Variants in AIFM3 observed in about 807,000 individuals in gnomAD.
AIFM3 encodes the protein apoptosis-inducing factor 3.
Under a neutral mutation model 82.7 loss-of-function variants are expected in AIFM3, and 71 were observed. That is an observed-to-expected ratio of 0.86 (90% CI 0.71 to 1.05). The LOEUF is 1.05. Ranked by LOEUF, AIFM3 falls within the 50% of genes least tolerant of loss-of-function variation. The pLI, the probability that AIFM3 is intolerant of heterozygous loss-of-function variation, is 0.00. For synonymous variants in AIFM3, 337 were observed against 329.1 expected, an observed-to-expected ratio of 1.02 and a Z score of -0.26; for missense variants, 748 against 816.7, an observed-to-expected ratio of 0.92 and a Z score of 1.03.
At chr22:20,979,565 C>A (rs1217101423) in intron 17 of AIFM3, 62 bp from the exon 18 acceptor site, 2 of 1,590,646 alleles carry the variant, frequency 1.3e-6, no homozygotes, top group Non-Finnish European at 1.7e-6. Flanking sequence ...AGGAGGGGAT[C>A]CTGTGACGTC....
At chr22:20,969,377 T>C (rs775804116) in intron 2 of AIFM3, among the ~76,000 whole-genome samples, 1 of 152,072 alleles carries the variant, frequency 6.6e-6, no homozygotes, top group Non-Finnish European at 1.5e-5. Context: ...GCATCCTCAT[T>C]GTAAAGTGGG....
In AIFM3 at chr22:20,974,687, C is replaced by T. The variant is rs199990563; in HGVS notation, c.608-17C>T. ...TTGGTGAGAAGTGGTTCCTGGCCCACGGGCCCCTCCCCTCAGGTGCAGCTG... is the reference window on the plus strand; with the variant it reads ...TTGGTGAGAAGTGGTTCCTGGCCCATGGGCCCCTCCCCTCAGGTGCAGCTG... On this transcript the variant is annotated splice_polypyrimidine_tract_variant and intron_variant, in intron 7 of 20. Transcript: ENST00000440238. The T allele has an allele frequency of 3.8e-5, 62 of 1,613,852 alleles. No homozygotes were observed. The African/African-American group carries it at 6.1e-4, about 16-fold the overall frequency.
intron 9 of AIFM3, 72 bp downstream of exon 9, chr22:20,975,850 G>A (rs1923611894): frequency 1.9e-6 from 3 of 1,545,048 alleles, no homozygotes; most frequent in African/African-American, 1.4e-5. Flanking sequence ...GGGCCCCTGG[G>A]GTGGGGTCTT....
intron 18 of AIFM3, 140 bp downstream of exon 18, chr22:20,979,842 G>A (rs1012851269): frequency 3.2e-6 from 4 of 1,238,738 alleles, no homozygotes; most frequent in Non-Finnish European, 4.6e-6. Context: ...AGGAAAGCCC[G>A]AAGCTTGTGC....
At position 20,976,924 on chromosome 22, in the gene AIFM3, G is replaced by C. The variant is rs778803055; in HGVS notation, c.1204G>C (p.Gly402Arg). The change falls in exon 13 of 21, where the codon GGC becomes CGC. Residue 402 changes from glycine (G) to arginine (R), a missense_variant. By Grantham distance (125) the Gly-to-Arg change is moderately radical. Transcript: ENST00000440238. ...YMQTEVSELR[G>R]QEGKLKEVVL... The stretch of plus-strand genomic sequence containing the variant: ...GCAGACGGAGGTGTCTGAGCTGCGG[G>C]GCCAGGAGGGAAAGGTGGGCCCTTC... The C allele has an allele frequency of 2.0e-5, 32 of 1,610,986 alleles. 1 individual carries two copies. In the South Asian group the frequency reaches 3.3e-4, roughly 17 times the overall value.
chr22:20,977,455 T>C (rs1923762003), intron 14 of AIFM3: 1 of 608,474 alleles, frequency 1.6e-6, no homozygotes, highest in African/African-American at 1.8e-5. Context: ...AGGTATGGCA[T>C]GCTGTCCCTC....
At position 20,976,232 on chromosome 22, in the gene AIFM3, G is replaced by A. The variant is rs376361841; in HGVS notation, c.825G>A (p.Val275=). 5.6e-6 allele frequency: 9 copies of A among 1,613,774 alleles called. No homozygotes were observed. Among genetic ancestry groups the A allele is most frequent in the Non-Finnish European group, 6.8e-6 (8 of 1,179,942 alleles). Residue 275 remains valine (V), a synonymous_variant, in exon 10 of 21, where the codon GTG becomes GTA. Coordinates refer to ENST00000440238, the MANE Select transcript of AIFM3 (RefSeq NM_001386814.1). ...GATTGCAGGTGGTCACAGTGGACGTGAGAACTAAGAAGGTCGTGTTCAAGG... is the reference window on the plus strand; with the variant it reads ...GATTGCAGGTGGTCACAGTGGACGTAAGAACTAAGAAGGTCGTGTTCAAGG... The part of the protein sequence containing the change: ...LTEAQVVTVD[V]RTKKVVFKDG...
rs764142718 is a variant in AIFM3, at chr22:20,974,303, G to A, written c.510+7G>A. On this transcript the variant is annotated splice_region_variant and intron_variant, in intron 6 of 20. Coordinates refer to ENST00000440238, the MANE Select transcript of AIFM3 (RefSeq NM_001386814.1). Reference sequence around the variant, plus strand: ...CGTCCGGGCCAGCAAGCAGGTGAGGGGATAGCTCGGGGCTCAGGCAGAAGG... The same window carrying A: ...CGTCCGGGCCAGCAAGCAGGTGAGGAGATAGCTCGGGGCTCAGGCAGAAGG... 1 of 1,613,100 alleles carries A rather than the reference G, an allele frequency of 6.2e-7. No individual in the cohort carries two copies. The highest frequency in any genetic ancestry group is 8.5e-7 in the Non-Finnish European group (1 of 1,179,844).
In AIFM3 at chr22:20,975,773, G is replaced by A. The variant is rs1265351765; in HGVS notation, c.802G>A (p.Ala268Thr). ...CTATGGCATCGAGGTGCTCACCGAG[G>A]CTCAGGTACAGGGTCAAGGGTGGGA... is the stretch of plus-strand genomic sequence containing the variant. ...RAYGIEVLTE[A>T]QVVTVDVRTK... The change falls in exon 9 of 21, where the codon GCT becomes ACT. Residue 268 changes from alanine (A) to threonine (T), a missense_variant. Around this residue, in one of 5 missense-constraint regions of AIFM3, gnomAD observed 393 missense variants for 481.1 expected, o/e 0.82. Transcript: ENST00000440238. The A allele has an allele frequency of 6.2e-7, 1 of 1,612,238 alleles. No individual in the cohort carries two copies. Among genetic ancestry groups the A allele is most frequent in the African/African-American group, 1.3e-5 (1 of 74,928 alleles).
rs775730291 is a variant in AIFM3 at position 20,980,007 on chromosome 22, C to A, written c.1653-13C>A. 6.8e-6 allele frequency: 11 copies of A among 1,608,040 alleles called. No homozygotes were observed. In the African/African-American group the frequency reaches 1.2e-4, roughly 18 times the overall value. On this transcript the variant is annotated splice_polypyrimidine_tract_variant and intron_variant, in intron 18 of 20. Transcript: ENST00000440238. The stretch of plus-strand genomic sequence containing the variant: ...CCTCGCAGTCCTCAGGCTTGGCCAT[C>A]CTCTCCTTGCAGAGGCGACGAGGTG...
At position 20,976,484 on chromosome 22, in the gene AIFM3, G is replaced by C; in HGVS notation, c.976G>C (p.Val326Leu). ...CCGGACGCCAGAGGATGCCAATCGC[G>C]TGGTGAGGCTGGCCCGAGGCCGCAA... ...TIRTPEDANR[V>L]VRLARGRNVV... The change falls in exon 11 of 21, where the codon GTG (valine) becomes CTG (leucine). Residue 326 changes from valine (V) to leucine (L), a missense_variant. Val to Leu is a conservative substitution (Grantham distance 32, BLOSUM62 1). Around this residue, in one of 5 missense-constraint regions of AIFM3, gnomAD observed 393 missense variants for 481.1 expected, o/e 0.82. Transcript: ENST00000440238. 2 of 1,614,040 alleles carry C rather than the reference G, an allele frequency of 1.2e-6. No homozygotes were observed. Among genetic ancestry groups the C allele is most frequent in the Non-Finnish European group, 1.7e-6 (2 of 1,180,044 alleles).
At chr22:20,966,704 C>G (rs1200497230), upstream of AIFM3, 1 of 152,304 alleles carries the variant, frequency 6.6e-6, no homozygotes, top group South Asian at 2.1e-4. Context: ...CTGCATCTTC[C>G]GGAAGGCCCA....
At chr22:20,966,659 C>G (rs17555258), upstream of AIFM3, 8,249 of 152,360 alleles carry the variant, frequency 0.054, 332 homozygotes, top group Admixed American at 0.11. Context: ...GCAGCTTATG[C>G]CTGTGCCCTG....
At chr22:20,977,602 G>A (rs1357507501) in intron 14 of AIFM3, 98 bp from the exon 15 acceptor site, 2 of 1,477,106 alleles carry the variant, frequency 1.4e-6, no homozygotes, top group Non-Finnish European at 1.9e-6. Flanking sequence ...TGGAGGATCA[G>A]TCTGGGGCTG....
Position 20,976,516 on chromosome 22 carries a change from C to G in AIFM3, c.1008C>G (p.Val336=). ...GGCTGGCCCGAGGCCGCAACGTGGT[C>G]GTCGTGGGAGCCGGCTTCCTGGGTG... is the stretch of plus-strand genomic sequence containing the variant. The part of the protein sequence containing the change: ...VVRLARGRNV[V]VVGAGFLGME... The change falls in exon 11 of 21, where the codon GTC becomes GTG. Residue 336 remains valine (V), a synonymous_variant. Coordinates refer to ENST00000440238, the MANE Select transcript of AIFM3 (RefSeq NM_001386814.1). 1 of 1,613,560 alleles carries G rather than the reference C, an allele frequency of 6.2e-7. No homozygotes were observed. Among genetic ancestry groups the G allele is most frequent in the Non-Finnish European group, 8.5e-7 (1 of 1,180,022 alleles).
chr22:20,978,331 C>T (rs552399578), intron 16 of AIFM3, among the ~76,000 whole-genome samples: 6 of 152,256 alleles, frequency 3.9e-5, no homozygotes, highest in Admixed American at 1.3e-4. Context: ...GGATCACCTT[C>T]CCATTTATGC....
upstream of AIFM3, chr22:20,966,986 G>A (rs113263557): frequency 0.022 from 3,435 of 153,248 alleles, 145 homozygotes; most frequent in African/African-American, 0.077. Flanking sequence ...GGCTGGAGTC[G>A]GGGGTAGGGG....
intron 1 of AIFM3, 96 bp from the exon 2 acceptor site, chr22:20,967,709 A>G: frequency 1.7e-6 from 1 of 587,706 alleles, no homozygotes; most frequent in East Asian, 2.9e-5. Context: ...GCTCAAATGT[A>G]AGACTCTTTC....
chr22:20,973,804 G>C lies in AIFM3; in HGVS notation c.292G>C (p.Asp98His). 6.3e-7 allele frequency: 1 copy of C among 1,583,836 alleles called. No homozygotes were observed. The highest frequency in any genetic ancestry group is 1.8e-5 in the Admixed American group (1 of 55,812). Residue 98 changes from aspartate (D) to histidine (H), a missense_variant, in exon 4 of 21, where the codon GAC becomes CAC. By Grantham distance (81) the Asp-to-His change is moderately conservative (BLOSUM62 -1). Transcript: ENST00000440238. ...CTGGGGGAAGGTGTTGCTGGTGAAG[G>C]ACAATGGGGAGTTCCACGCCCTGGG... ...LGWGKVLLVK[D>H]NGEFHALGHK...
Sources: allele counts gnomAD v4.1 joint callset (sites outside exome capture counted in the v4.1 genomes callset), GRCh38; gene constraint gnomAD v4.1.1; regional missense constraint gnomAD v4.1.1; transcripts MANE v1.5; gene names NCBI Gene and HGNC (gene_info 2026-07-23, HGNC 2026-07-21).